The following RARB variants were observed in gnomAD, a reference collection of about 807,000 sequenced individuals.
RARB encodes HBV-activated protein.
Under a neutral mutation model 51.9 loss-of-function variants are expected in RARB, and 17 were observed. The observed-to-expected ratio is 0.33, with a 90% CI of 0.22 to 0.49. RARB has a LOEUF of 0.49. RARB is among the 20% of genes least tolerant of loss of function. The probability of loss-of-function intolerance (pLI) is 0.99; values close to 1 mark genes in which losing one functional copy is unlikely to be tolerated. For synonymous variants in RARB, 215 were observed against 195.4 expected, an observed-to-expected ratio of 1.10 and a Z score of -0.84; for missense variants, 369 against 550.8, an observed-to-expected ratio of 0.67 and a Z score of 3.30.
chr3:25,434,316 T>C (rs897135816), intron 1 of RARB, among the ~76,000 whole-genome samples: 2 of 152,212 alleles, frequency 1.3e-5, no homozygotes, highest in Admixed American at 6.5e-5. Flanking sequence ...AAGAAAGTCG[T>C]TTAATAAAAG....
At chr3:24,859,750 A>G (rs933286198) in intron 2 of RARB, among the ~76,000 whole-genome samples, 13 of 152,216 alleles carry the variant, frequency 8.5e-5, no homozygotes, top group Non-Finnish European at 1.5e-4. Flanking sequence ...CTAGACAGTA[A>G]ATATTTTAGG....
At chr3:24,903,653 A>G (rs76258464) in intron 2 of RARB, among the ~76,000 whole-genome samples, 1 of 152,286 alleles carries the variant, frequency 6.6e-6, no homozygotes, top group Non-Finnish European at 1.5e-5. Context: ...ATCTTGTCCA[A>G]TACCCAGCAT....
intron 1 of RARB, among the ~76,000 whole-genome samples, chr3:25,455,704 G>A: frequency 6.6e-6 from 1 of 152,186 alleles, no homozygotes; most frequent in East Asian, 1.9e-4. Context: ...GGGACCCACA[G>A]AGCCAAGCAT....
intron 5 of RARB, among the ~76,000 whole-genome samples, chr3:25,249,952 T>C (rs1702669493): frequency 1.6e-5 from 1 of 62,320 alleles, no homozygotes; most frequent in African/African-American, 1.7e-4. Context: ...GGTGGCTTTC[T>C]CTGGTGCTGA....
At chr3:25,488,870 G>A (rs374765980) in intron 2 of RARB, among the ~76,000 whole-genome samples, 5 of 152,292 alleles carry the variant, frequency 3.3e-5, no homozygotes, top group Middle Eastern at 3.4e-3. Context: ...TTGAAAACTG[G>A]AGAACAATCT....
intron 2 of RARB, among the ~76,000 whole-genome samples, chr3:24,880,166 A>T (rs1703130890): frequency 6.6e-6 from 1 of 151,664 alleles, no homozygotes; most frequent in African/African-American, 2.4e-5. Context: ...TTAGTAATGG[A>T]TTCTGATCTG....
chr3:25,274,228 T>C (rs775959628), intron 5 of RARB, among the ~76,000 whole-genome samples: 2 of 152,250 alleles, frequency 1.3e-5, no homozygotes, highest in Non-Finnish European at 2.9e-5. Flanking sequence ...AAAAATTAAC[T>C]AGTATACATT....
intron 2 of RARB, among the ~76,000 whole-genome samples, chr3:25,052,262 G>C (rs1243396375): frequency 6.6e-6 from 1 of 152,110 alleles, no homozygotes; most frequent in African/African-American, 2.4e-5. Context: ...ATCCCATTGT[G>C]TATGTGATTC....
intron 1 of RARB, among the ~76,000 whole-genome samples, chr3:25,448,846 G>A (rs1429475167): frequency 1.3e-5 from 2 of 152,108 alleles, no homozygotes; most frequent in Non-Finnish European, 2.9e-5. Context: ...GGCACAGTAA[G>A]GATGTTCAGT....
intron 3 of RARB, among the ~76,000 whole-genome samples, chr3:25,503,895 C>G (rs984637863): frequency 1.3e-5 from 2 of 152,154 alleles, no homozygotes; most frequent in Non-Finnish European, 2.9e-5. Flanking sequence ...ATTTGACGTA[C>G]AAGTACACTA....
chr3:24,969,638 G>A (rs1470311017), intron 2 of RARB, among the ~76,000 whole-genome samples: 2 of 152,052 alleles, frequency 1.3e-5, no homozygotes, highest in African/African-American at 4.8e-5. Context: ...AAATTGCCAA[G>A]TAATTTTGTT....
chr3:25,139,421 T>A (rs1206520521), intron 4 of RARB, among the ~76,000 whole-genome samples: 1 of 152,012 alleles, frequency 6.6e-6, no homozygotes, highest in Non-Finnish European at 1.5e-5. Context: ...ACGGAGAAAG[T>A]TTTAGTGGTG....
At chr3:24,871,694 T>C (rs958074689) in intron 2 of RARB, among the ~76,000 whole-genome samples, 2 of 152,126 alleles carry the variant, frequency 1.3e-5, no homozygotes, top group African/African-American at 4.8e-5. Context: ...CTAGTACATA[T>C]CTCAAATTTA....
chr3:25,541,957 T>C (rs1317599383), intron 3 of RARB, among the ~76,000 whole-genome samples: 1 of 152,182 alleles, frequency 6.6e-6, no homozygotes, highest in Non-Finnish European at 1.5e-5. Context: ...CAATCATGTT[T>C]GTTAAATAAA....
intron 3 of RARB, among the ~76,000 whole-genome samples, chr3:25,565,703 C>A (rs1238860044): frequency 6.6e-6 from 1 of 152,208 alleles, no homozygotes; most frequent in Non-Finnish European, 1.5e-5. Context: ...GCCACAGGCC[C>A]CACAGTAATC....
intron 5 of RARB, among the ~76,000 whole-genome samples, chr3:25,356,948 T>C (rs1705760935): frequency 6.6e-6 from 1 of 152,204 alleles, no homozygotes; most frequent in East Asian, 1.9e-4. Flanking sequence ...AAGTCTTTGC[T>C]ATTGTGAATA....
chr3:25,342,908 T>C (rs1705272385), intron 5 of RARB, among the ~76,000 whole-genome samples: 1 of 152,156 alleles, frequency 6.6e-6, no homozygotes, highest in South Asian at 2.1e-4. Context: ...AGCCCAGTGC[T>C]GCTTTGTGGT....
At chr3:25,422,708 G>C (rs138375333) in intron 5 of RARB, among the ~76,000 whole-genome samples, 1 of 151,838 alleles carries the variant, frequency 6.6e-6, no homozygotes, top group East Asian at 1.9e-4. Flanking sequence ...ATGCATTCTA[G>C]ATGAATAATA....
intron 4 of RARB, among the ~76,000 whole-genome samples, chr3:25,158,793 G>T (rs558861789): frequency 6.6e-6 from 1 of 152,196 alleles, no homozygotes; most frequent in Non-Finnish European, 1.5e-5. Context: ...GGAAGGCTGT[G>T]CTCCATACAA....
Sources: gnomAD v4.1 joint callset for allele counts (sites outside exome capture counted in the v4.1 genomes callset) on GRCh38, gnomAD v4.1.1 for gene constraint, MANE v1.5 for transcripts, NCBI Gene and HGNC (gene_info 2026-07-23, HGNC 2026-07-21) for gene names.